LRPPRC: variants seen among roughly 807,000 people sequenced by gnomAD.
The protein encoded by LRPPRC is leucine rich pentatricopeptide repeat containing, also known as leucine-rich PPR motif-containing protein, mitochondrial.
In LRPPRC, 120 loss-of-function variants were observed where a neutral mutation model predicts 180.3. The ratio of observed to expected loss-of-function variants is 0.67; its 90% CI spans 0.57 to 0.77. LRPPRC has a LOEUF of 0.77. Ranked by LOEUF, LRPPRC falls within the 30% of genes least tolerant of loss-of-function variation. The probability of loss-of-function intolerance (pLI) is 0.00; values close to 1 mark genes in which losing one functional copy is unlikely to be tolerated. For missense variants in LRPPRC, 2,012 were observed against 1,657.2 expected (o/e 1.21, Z -3.72); for synonymous variants, 723 against 600.0 (o/e 1.21, Z -3.00).
At chr2:43,961,720 C>T (rs985969045) in intron 12 of LRPPRC, among the ~76,000 whole-genome samples, 25 of 152,152 alleles carry the variant, frequency 1.6e-4, no homozygotes, top group African/African-American at 5.5e-4. Context: ...CAGCATTTTG[C>T]GAAGCCTAGG....
At chr2:43,940,930 G>T (rs1247084795) in intron 23 of LRPPRC, among the ~76,000 whole-genome samples, 1 of 152,020 alleles carries the variant, frequency 6.6e-6, no homozygotes, top group Non-Finnish European at 1.5e-5. Context: ...TACTCATTTG[G>T]ACTACATGTA....
At chr2:43,904,790 G>A (rs1558911796) in intron 31 of LRPPRC, 1 of 151,746 alleles carries the variant, frequency 6.6e-6, no homozygotes, top group African/African-American at 2.4e-5. Context: ...ACAGAGATAG[G>A]AAGCAATAAG....
intron 29 of LRPPRC, among the ~76,000 whole-genome samples, chr2:43,915,232 T>TCTCTCTCTCTCA (rs1174216406): frequency 9.3e-4 from 48 of 51,860 alleles, no homozygotes; most frequent in Non-Finnish European, 1.4e-3. Flanking sequence ...TCTCTCTCTC[T>TCTCTCTCTCTCA]CACACACACA....
chr2:43,957,286 A>C, intron 14 of LRPPRC, 99 bp downstream of exon 14: 1 of 861,154 alleles, frequency 1.2e-6, no homozygotes. Flanking sequence ...TGTACACTGA[A>C]AGATAAGAAT....
At chr2:43,896,198 ATTTC>A (rs751623964) in intron 35 of LRPPRC, 250 of 130,816 alleles carry the variant, frequency 1.9e-3, no homozygotes, top group South Asian at 2.8e-3. Flanking sequence ...TTAATCTTCC[ATTTC>A]TTTCTTTCTT....
chr2:43,945,016 G>A (rs1672626863), intron 22 of LRPPRC, among the ~76,000 whole-genome samples: 1 of 152,068 alleles, frequency 6.6e-6, no homozygotes, highest in Non-Finnish European at 1.5e-5. Context: ...CAAAAACAAA[G>A]CCATTAGTGC....
intron 11 of LRPPRC, among the ~76,000 whole-genome samples, chr2:43,965,044 C>G (rs1023685402): frequency 5.9e-5 from 9 of 152,302 alleles, no homozygotes; most frequent in Admixed American, 4.6e-4. Context: ...CTCGGTCGCC[C>G]AAGCTGGAGT....
rs1572537444 is a variant in LRPPRC at position 43,952,549 on chromosome 2, T to G, written c.1650-1949A>C. Among the ~76,000 whole-genome samples the G allele has an allele frequency of 2.0e-5, 3 of 152,316 alleles. No homozygotes were observed. In the East Asian group the frequency reaches 5.8e-4, roughly 29 times the overall value. On this transcript the variant is annotated intron_variant, in intron 14 of 37. Transcript: ENST00000260665. ...TTTTTTTGGTCCTCTTTCACTAAGTTTTGGAATTTCTGTTGTTGTTAGCCA... is the reference window on the plus strand; with the variant it reads ...TTTTTTTGGTCCTCTTTCACTAAGTGTTGGAATTTCTGTTGTTGTTAGCCA...
In LRPPRC at chr2:43,943,883, T is replaced by A; in HGVS notation, c.2308A>T (p.Ile770Phe). 6.2e-7 allele frequency: 1 copy of A among 1,611,764 alleles called. No individual in the cohort carries two copies. Among genetic ancestry groups the A allele is most frequent in the Non-Finnish European group, 8.5e-7 (1 of 1,178,018 alleles). ...TCCTTCTCTTTCATCTCCTTCAGAATGTTAATAGCATCTACAATGAAGTAA... is the reference window on the plus strand; with the variant it reads ...TCCTTCTCTTTCATCTCCTTCAGAAAGTTAATAGCATCTACAATGAAGTAA... ...KHGKLQDAIN[I>F]LKEMKEKDVL... The change falls in exon 23 of 38, where the codon ATT (isoleucine) becomes TTT (phenylalanine). Residue 770 changes from isoleucine to phenylalanine, a missense_variant. Physicochemically the swap from Ile to Phe is conservative, Grantham distance 21. Transcript: ENST00000260665.
At chr2:43,892,333 T>G (rs927548328) in intron 36 of LRPPRC, among the ~76,000 whole-genome samples, 10 of 152,196 alleles carry the variant, frequency 6.6e-5, no homozygotes, top group Non-Finnish European at 1.5e-4. Flanking sequence ...ATGCAGCTGG[T>G]GACTTTATGT....
chr2:43,943,601 G>A (rs1314572241), intron 23 of LRPPRC, 86 bp downstream of exon 23: 3 of 1,100,010 alleles, frequency 2.7e-6, no homozygotes, highest in African/African-American at 3.1e-5. Flanking sequence ...TCCCCATCAT[G>A]AGGGTATTTA....
rs150357537 is a variant in LRPPRC at position 43,974,667 on chromosome 2, T to G, written c.956A>C (p.Gln319Pro). 6.2e-7 allele frequency: 1 copy of G among 1,611,718 alleles called. No homozygotes were observed. Among genetic ancestry groups the G allele is most frequent in the South Asian group, 1.1e-5 (1 of 91,018 alleles). The stretch of plus-strand genomic sequence containing the variant: ...TTTTTCCAAAATTTCTGAGACATAC[T>G]GAGGATACCCAGCTTTACTGAAGCT... Reference protein sequence around the residue: ...IFSFSKAGYPQYVSEILEKVT... With the variant: ...IFSFSKAGYPPYVSEILEKVT... Residue 319 changes from glutamine to proline, a missense_variant, in exon 8 of 38, where the codon CAG (glutamine) becomes CCG (proline). Transcript: ENST00000260665.
At chr2:43,935,579 A>G (rs1672246489) in intron 23 of LRPPRC, among the ~76,000 whole-genome samples, 1 of 152,212 alleles carries the variant, frequency 6.6e-6, no homozygotes, top group Non-Finnish European at 1.5e-5. Flanking sequence ...TTATGTGAGA[A>G]ATTAAAATAA....
chr2:43,888,220 A>G lies in LRPPRC; in HGVS notation c.*380T>C, dbSNP rs1670341445. 2 of 256,780 alleles carry G rather than the reference A, an allele frequency of 7.8e-6. No homozygotes were observed. Among genetic ancestry groups the G allele is most frequent in the Admixed American group, 5.1e-5 (1 of 19,462 alleles). 15.9% of individuals were successfully genotyped at this position (256,780 alleles called of 1,614,324 possible). On this transcript the variant is annotated 3_prime_UTR_variant, in exon 38 of 38. Transcript: ENST00000260665. ...ATTATGCGTTAGAAAGTTCACGGTC[A>G]CTATACCTAGCTCTAAAATTTTTCA...
chr2:43,911,826 C>G (rs1414994692), intron 30 of LRPPRC, among the ~76,000 whole-genome samples: 1 of 152,016 alleles, frequency 6.6e-6, no homozygotes, highest in African/African-American at 2.4e-5. Flanking sequence ...CGCGCCCAGT[C>G]AGATTTCTTT....
chr2:43,945,157 C>G (rs1672631537), intron 22 of LRPPRC, among the ~76,000 whole-genome samples, 175 bp downstream of exon 22: 1 of 152,108 alleles, frequency 6.6e-6, no homozygotes, highest in Non-Finnish European at 1.5e-5. Context: ...GCTTGCCAAT[C>G]CATTAAAACT....
chr2:43,971,421 T>G (rs977477882), intron 11 of LRPPRC, among the ~76,000 whole-genome samples: 2 of 129,290 alleles, frequency 1.5e-5, no homozygotes, highest in Non-Finnish European at 3.1e-5. Context: ...CCAGAAAAAT[T>G]CAACAGAAAC....
At chr2:43,976,489 C>G (rs917416991) in intron 5 of LRPPRC, among the ~76,000 whole-genome samples, 1 of 152,006 alleles carries the variant, frequency 6.6e-6, no homozygotes. Flanking sequence ...TTGTCTTACA[C>G]TACTAATTAC....
chr2:43,963,313 G>A (rs1055883860), intron 12 of LRPPRC, among the ~76,000 whole-genome samples: 13 of 151,872 alleles, frequency 8.6e-5, no homozygotes, highest in Admixed American at 2.0e-4. Context: ...CCATGGTGGC[G>A]CATGCCTGTA....
Sources: gnomAD v4.1 joint callset for allele counts (sites outside exome capture counted in the v4.1 genomes callset) on GRCh38, gnomAD v4.1.1 for gene constraint, MANE v1.5 for transcripts, NCBI Gene and HGNC (gene_info 2026-07-23, HGNC 2026-07-21) for gene names.